EEIG2: variants seen among roughly 807,000 people sequenced by gnomAD.
The protein encoded by EEIG2 is family with sequence similarity 102 member B.
At chr1:108,587,480 T>C in the EEIG2 span, among the ~76,000 whole-genome samples, 1 of 152,122 alleles carries the variant, frequency 6.6e-6, no homozygotes, top group African/African-American at 2.4e-5. Flanking sequence ...CATTCTGTGT[T>C]TTGACAAATG....
At chr1:108,561,506 TAAAAA>T in the EEIG2 span, among the ~76,000 whole-genome samples, 1 of 152,058 alleles carries the variant, frequency 6.6e-6, no homozygotes, top group African/African-American at 2.4e-5. Flanking sequence ...ATATTCTACT[TAAAAA>T]AAATTCCGTC....
the EEIG2 span, among the ~76,000 whole-genome samples, chr1:108,576,955 C>T: frequency 1.3e-5 from 2 of 151,334 alleles, no homozygotes. Context: ...CTCTCCAGCA[C>T]CTGTTGTTTC....
At chr1:108,632,475 A>G in the EEIG2 span, among the ~76,000 whole-genome samples, 1 of 152,172 alleles carries the variant, frequency 6.6e-6, no homozygotes, top group East Asian at 1.9e-4. Context: ...ATAACCGGCC[A>G]TAATTTGAAG....
At chr1:108,589,651 A>G in the EEIG2 span, among the ~76,000 whole-genome samples, 1 of 151,772 alleles carries the variant, frequency 6.6e-6, no homozygotes, top group African/African-American at 2.4e-5. Flanking sequence ...TTCTTCTCGT[A>G]TACCCTAAGT....
At chr1:108,580,854 C>T in the EEIG2 span, among the ~76,000 whole-genome samples, 12 of 152,234 alleles carry the variant, frequency 7.9e-5, no homozygotes, top group South Asian at 2.1e-4. Context: ...AAAGTAAGAG[C>T]GCAGCAACTT....
At chr1:108,626,307 C>T in the EEIG2 span, 1 of 152,306 alleles carries the variant, frequency 6.6e-6, no homozygotes, top group East Asian at 1.9e-4. Flanking sequence ...CCATCTGTTT[C>T]TCTTTCTACC....
the EEIG2 span, among the ~76,000 whole-genome samples, chr1:108,605,447 T>A: frequency 8.5e-4 from 129 of 152,294 alleles, no homozygotes; most frequent in Non-Finnish European, 1.5e-3. Context: ...ATGGAAATGA[T>A]AGATAATGCA....
the EEIG2 span, among the ~76,000 whole-genome samples, chr1:108,561,932 A>T: frequency 6.6e-6 from 1 of 152,150 alleles, no homozygotes; most frequent in Non-Finnish European, 1.5e-5. Flanking sequence ...CAGTGGTGAC[A>T]CCTGGTGGTC....
chr1:108,622,225 TGCAA>T, the EEIG2 span, among the ~76,000 whole-genome samples: 2 of 152,210 alleles, frequency 1.3e-5, no homozygotes, highest in Non-Finnish European at 2.9e-5. Flanking sequence ...TAGGCCAGAC[TGCAA>T]GTTCTGAGGG....
At chr1:108,635,034 G>A in the EEIG2 span, 42 of 1,492,876 alleles carry the variant, frequency 2.8e-5, no homozygotes, top group South Asian at 4.3e-4. Context: ...CATCTCTCCA[G>A]GGGTAAGGTT....
At chr1:108,574,920 A>G in the EEIG2 span, among the ~76,000 whole-genome samples, 2 of 152,362 alleles carry the variant, frequency 1.3e-5, no homozygotes, top group African/African-American at 2.4e-5. Flanking sequence ...TCTTATTTAA[A>G]CTTCATAATT....
At chr1:108,589,866 C>T in the EEIG2 span, among the ~76,000 whole-genome samples, 1 of 144,944 alleles carries the variant, frequency 6.9e-6, no homozygotes, top group African/African-American at 2.6e-5. Context: ...TCATGGCTCA[C>T]TGCAGCCTCA....
the EEIG2 span, among the ~76,000 whole-genome samples, chr1:108,573,978 G>T: frequency 6.6e-6 from 1 of 152,156 alleles, no homozygotes; most frequent in Non-Finnish European, 1.5e-5. Flanking sequence ...ACAGTATGGT[G>T]GTCCCTCAAA....
At chr1:108,615,786 TAA>T in the EEIG2 span, among the ~76,000 whole-genome samples, 29 of 114,432 alleles carry the variant, frequency 2.5e-4, no homozygotes, top group Admixed American at 3.6e-4. Flanking sequence ...TCTCAAGAAT[TAA>T]AAAAAAAAAA....
At chr1:108,624,501 A>T in the EEIG2 span, 9 of 555,252 alleles carry the variant, frequency 1.6e-5, no homozygotes, top group African/African-American at 1.5e-4. Context: ...CTTATACGTT[A>T]TTTGCTGATC....
chr1:108,592,292 T>G, the EEIG2 span, among the ~76,000 whole-genome samples: 1 of 152,250 alleles, frequency 6.6e-6, no homozygotes, highest in Non-Finnish European at 1.5e-5. Flanking sequence ...ATTCATTTGG[T>G]CAACAAATCT....
chr1:108,582,285 A>C, the EEIG2 span, among the ~76,000 whole-genome samples: 1 of 152,168 alleles, frequency 6.6e-6, no homozygotes. Flanking sequence ...GGTGGTCTGG[A>C]AGTGAACCCA....
chr1:108,631,350 T>A, the EEIG2 span, among the ~76,000 whole-genome samples: 1 of 152,252 alleles, frequency 6.6e-6, no homozygotes, highest in Non-Finnish European at 1.5e-5. Context: ...GCTGCTTTGA[T>A]GCTACAGTAG....
chr1:108,610,783 A>C, the EEIG2 span, among the ~76,000 whole-genome samples: 1 of 151,958 alleles, frequency 6.6e-6, no homozygotes, highest in African/African-American at 2.4e-5. Flanking sequence ...ACAAAACAAA[A>C]ATTAGCCAGG....
Sources: allele counts gnomAD v4.1 joint callset (sites outside exome capture counted in the v4.1 genomes callset), GRCh38; gene constraint gnomAD v4.1.1; transcripts MANE v1.5; gene names NCBI Gene and HGNC (gene_info 2026-07-23, HGNC 2026-07-21).